MS4A18: variants seen among roughly 807,000 people sequenced by gnomAD.
MS4A18 encodes the protein membrane spanning 4-domains A18, also known as membrane-spanning 4-domains subfamily A member 18.
A neutral mutation model predicts 13.1 loss-of-function variants in MS4A18; 27 were observed. That is an observed-to-expected ratio of 2.06 (90% CI 1.52 to 2.84). The LOEUF (loss-of-function observed/expected upper bound fraction) is 2.84. MS4A18 is among the 30% of genes most tolerant of loss of function. MS4A18 has a pLI of 0.00. For synonymous variants in MS4A18, 126 were observed against 76.5 expected (o/e 1.65, Z -3.38); for missense variants, 307 against 196.4 (o/e 1.56, Z -3.37).
intron 1 of MS4A18, among the ~76,000 whole-genome samples, chr11:60,730,909 A>G (rs1853243909): frequency 6.6e-6 from 1 of 152,234 alleles, no homozygotes; most frequent in Non-Finnish European, 1.5e-5. Flanking sequence ...CCTGGCTAAC[A>G]TGGTGAAACC....
intron 1 of MS4A18, among the ~76,000 whole-genome samples, chr11:60,732,819 C>A (rs1853277110): frequency 6.6e-6 from 1 of 152,058 alleles, no homozygotes; most frequent in African/African-American, 2.4e-5. Flanking sequence ...TCTACCACAG[C>A]CCTGCAAGCT....
intron 3 of MS4A18, among the ~76,000 whole-genome samples, chr11:60,738,432 T>C (rs536509513): frequency 2.0e-5 from 3 of 152,352 alleles, no homozygotes; most frequent in East Asian, 1.9e-4. Flanking sequence ...TGCAGAGTAG[T>C]TCTGCATCTT....
chr11:60,732,339 G>T (rs1056722552), intron 1 of MS4A18, among the ~76,000 whole-genome samples: 3 of 152,026 alleles, frequency 2.0e-5, no homozygotes, highest in African/African-American at 7.2e-5. Flanking sequence ...CCTTGTGTAC[G>T]TTGCCAAGGG....
chr11:60,742,069 T>C (rs1433615994), intron 5 of MS4A18, among the ~76,000 whole-genome samples: 1 of 152,194 alleles, frequency 6.6e-6, no homozygotes, highest in Non-Finnish European at 1.5e-5. Context: ...GAGGCACATA[T>C]TGTCCTACCC....
upstream of MS4A18, among the ~76,000 whole-genome samples, chr11:60,728,085 C>T (rs114588108): frequency 5.3e-3 from 806 of 152,222 alleles, 9 homozygotes; most frequent in African/African-American, 0.019. Context: ...TCTACATGGT[C>T]GCAATCCCAA....
chr11:60,735,367 T>C (rs1273459808), intron 2 of MS4A18, among the ~76,000 whole-genome samples: 2 of 148,608 alleles, frequency 1.3e-5, no homozygotes, highest in East Asian at 4.0e-4. Flanking sequence ...GGAGTCTCGC[T>C]CTGTCGCCCA....
intron 3 of MS4A18, among the ~76,000 whole-genome samples, chr11:60,738,251 C>G (rs151117540): frequency 9.1e-4 from 138 of 152,308 alleles, no homozygotes; most frequent in African/African-American, 3.1e-3. Context: ...GGACTTCAGC[C>G]TCTCAGCACT....
At chr11:60,732,747 A>G (rs1041870443) in intron 1 of MS4A18, among the ~76,000 whole-genome samples, 6 of 151,168 alleles carry the variant, frequency 4.0e-5, no homozygotes, top group African/African-American at 4.9e-5. Flanking sequence ...AAAAAAAAAA[A>G]AAAAAGAAAC....
upstream of MS4A18, among the ~76,000 whole-genome samples, chr11:60,727,911 A>G (rs1853188843): frequency 6.6e-6 from 1 of 152,210 alleles, no homozygotes; most frequent in African/African-American, 2.4e-5. Context: ...TCCTCATCAA[A>G]TCGGGACAAT....
downstream of MS4A18, among the ~76,000 whole-genome samples, chr11:60,744,451 T>C (rs150308999): frequency 2.0e-3 from 302 of 152,278 alleles, 1 homozygote; most frequent in African/African-American, 7.1e-3. Flanking sequence ...AAAATCTTTG[T>C]GACCTAGAGT....
chr11:60,738,951 C>T (rs771244184), exon 4 of MS4A18: 3 of 703,246 alleles, frequency 4.3e-6, no homozygotes. Context: ...TTCGCCTTTG[C>T]CGGGATCTTC....
chr11:60,735,165 C>T (rs1312580435), intron 2 of MS4A18, among the ~76,000 whole-genome samples: 1 of 152,060 alleles, frequency 6.6e-6, no homozygotes, highest in Admixed American at 6.6e-5. Flanking sequence ...GTGTATTTTA[C>T]CACGATTAAA....
At chr11:60,728,400 ATG>A (rs1265882388), upstream of MS4A18, among the ~76,000 whole-genome samples, 1 of 143,900 alleles carries the variant, frequency 6.9e-6, no homozygotes, top group Non-Finnish European at 1.5e-5. Flanking sequence ...GTATGTGTGT[ATG>A]TATGTGTGTG....
chr11:60,727,165 G>C (rs763910086), upstream of MS4A18, among the ~76,000 whole-genome samples: 9 of 152,088 alleles, frequency 5.9e-5, no homozygotes, highest in Non-Finnish European at 1.3e-4. Flanking sequence ...CTATTGTTGA[G>C]GGGCATTTGG....
downstream of MS4A18, among the ~76,000 whole-genome samples, chr11:60,744,364 A>G (rs1853456684): frequency 6.6e-6 from 1 of 152,048 alleles, no homozygotes; most frequent in South Asian, 2.1e-4. Context: ...CGCAGCTCTA[A>G]CTCTGACACG....
chr11:60,734,117 G>A (rs1853300200), intron 2 of MS4A18, among the ~76,000 whole-genome samples: 1 of 152,086 alleles, frequency 6.6e-6, no homozygotes, highest in African/African-American at 2.4e-5. Context: ...TTAGCTGGGT[G>A]TGGTGGTGTG....
chr11:60,725,447 G>A (rs1853140765), upstream of MS4A18, among the ~76,000 whole-genome samples: 1 of 152,090 alleles, frequency 6.6e-6, no homozygotes, highest in Admixed American at 6.5e-5. Context: ...GCCCGCCTTG[G>A]CCTCCCAAAG....
chr11:60,734,766 T>C (rs1023370905), intron 2 of MS4A18, among the ~76,000 whole-genome samples: 1 of 151,258 alleles, frequency 6.6e-6, no homozygotes, highest in South Asian at 2.1e-4. Flanking sequence ...CAATATGAAT[T>C]TTCTTTTCTT....
upstream of MS4A18, among the ~76,000 whole-genome samples, chr11:60,728,208 G>C (rs1416080486): frequency 6.6e-6 from 1 of 152,216 alleles, no homozygotes; most frequent in Admixed American, 6.5e-5. Context: ...GGGAAAGACA[G>C]TCTGTTTTTT....
Sources: allele counts gnomAD v4.1 joint callset (sites outside exome capture counted in the v4.1 genomes callset), GRCh38; gene constraint gnomAD v4.1.1; transcripts MANE v1.5; gene names NCBI Gene and HGNC (gene_info 2026-07-23, HGNC 2026-07-21).